SMG1: variants seen among roughly 807,000 people sequenced by gnomAD.
SMG1 encodes the protein serine/threonine-protein kinase SMG1.
SMG1 carries 22 observed loss-of-function variants against 419.9 expected under a neutral mutation model. The observed-to-expected ratio is 0.05, with a 90% CI of 0.04 to 0.07. The LOEUF (loss-of-function observed/expected upper bound fraction) is 0.07. Ranked by LOEUF, SMG1 falls within the 10% of genes least tolerant of loss-of-function variation. SMG1 has a pLI of 1.00. For synonymous variants in SMG1, 1,538 were observed against 1,553.5 expected (o/e 0.99, Z 0.23); for missense variants, 3,185 against 4,342.0 (o/e 0.73, Z 7.49).
At chr16:18,890,146 T>C (rs4550430) in intron 5 of SMG1, among the ~76,000 whole-genome samples, 74,859 of 151,864 alleles carry the variant, frequency 0.49, 18,805 homozygotes, top group Middle Eastern at 0.59. Flanking sequence ...CCTCTGGAGA[T>C]TCTAATAGCC....
intron 13 of SMG1, among the ~76,000 whole-genome samples, chr16:18,873,015 A>G (rs1446186790): frequency 6.6e-6 from 1 of 152,012 alleles, no homozygotes. Context: ...TTAGCTGGGC[A>G]TGGTGGCATA....
Position 18,832,890 on chromosome 16 carries a change from G to A in SMG1, c.8792+50C>T, listed in dbSNP as rs368459249. 2.5e-5 allele frequency: 37 copies of A among 1,497,944 alleles called. No individual in the cohort carries two copies. In the African/African-American group the frequency reaches 4.3e-4, roughly 17 times the overall value. The allele number at this position is 1,497,944 out of a possible 1,614,324, so 92.8% of individuals were successfully genotyped here. On this transcript the variant is annotated intron_variant, in intron 51 of 62. Coordinates refer to ENST00000446231, the MANE Select transcript of SMG1 (RefSeq NM_015092.5). ...TAAAGAGCTCAGAATCCCTTTCTCT[G>A]GCTGTCCCATCTCTTTTACAAGGAA...
Position 18,896,287 on chromosome 16 carries a change from T to C in SMG1, c.257-80A>G, listed in dbSNP as rs911760010. 27 of 1,305,522 alleles carry C rather than the reference T, an allele frequency of 2.1e-5. No homozygotes were observed. The African/African-American group carries it at 3.2e-4, about 15-fold the overall frequency. The allele number at this position is 1,305,522 out of a possible 1,614,324, so 80.9% of individuals were successfully genotyped here. A position where few individuals can be genotyped will look rare whatever the true frequency, so the allele number is the denominator to read the frequency against. Reference sequence around the variant, plus strand: ...AATTTCCTGATAGCTCAGGATCTTATTACTCAATCTGCAGCTCAACCAGCC... The same window carrying C: ...AATTTCCTGATAGCTCAGGATCTTACTACTCAATCTGCAGCTCAACCAGCC... On this transcript the variant is annotated intron_variant, in intron 2 of 62. Transcript: ENST00000446231.
Position 18,839,827 on chromosome 16 carries a change from A to G in SMG1, c.6816T>C (p.Arg2272=). 2 of 1,613,974 alleles carry G rather than the reference A, an allele frequency of 1.2e-6. No individual in the cohort carries two copies. Among genetic ancestry groups the G allele is most frequent in the Non-Finnish European group, 1.7e-6 (2 of 1,179,886 alleles). Residue 2272 remains arginine, a synonymous_variant, in exon 42 of 63, where the codon CGT becomes CGC. Transcript: ENST00000446231. ...KTVGLSLDVS[R]RDWPLHVMKA... Reference sequence around the variant, plus strand: ...TCATTACATGAAGAGGCCAATCCCGACGGGACACATCCAGGCTAAGCCCAA... The same window carrying G: ...TCATTACATGAAGAGGCCAATCCCGGCGGGACACATCCAGGCTAAGCCCAA...
intron 60 of SMG1, among the ~76,000 whole-genome samples, chr16:18,814,521 A>C (rs1386348378): frequency 6.6e-6 from 1 of 152,046 alleles, no homozygotes; most frequent in Non-Finnish European, 1.5e-5. Context: ...AAAAATAAAA[A>C]CAATTTTTTT....
rs200545034 is a variant in SMG1 at position 18,921,514 on chromosome 16, C to G, written c.92+4436G>C. On this transcript the variant is annotated intron_variant, in intron 1 of 62. Transcript: ENST00000446231. ...TTAGTGTACTTTGAAATCCGTGGAA[C>G]AGAACTGGAAATCACTGAATTCTAT... Among the ~76,000 whole-genome samples, 3 of 152,060 alleles carry G rather than the reference C, an allele frequency of 2.0e-5. No individual in the cohort carries two copies. In the East Asian group the frequency reaches 5.8e-4, roughly 29 times the overall value.
Position 18,912,598 on chromosome 16 carries a change from T to C in SMG1, c.92+13352A>G, listed in dbSNP as rs544005897. The stretch of plus-strand genomic sequence containing the variant: ...CACTACCATCATAGTAACTACACGA[T>C]AGGCCACTTTAAATAAAAGGTATCT... On this transcript the variant is annotated intron_variant, in intron 1 of 62. Coordinates refer to ENST00000446231, the MANE Select transcript of SMG1 (RefSeq NM_015092.5). Among the ~76,000 whole-genome samples, 113 of 152,232 alleles carry C rather than the reference T, an allele frequency of 7.4e-4. 1 individual carries two copies. Among genetic ancestry groups the C allele is most frequent in the African/African-American group, 2.7e-3 (111 of 41,582 alleles).
intron 11 of SMG1, 106 bp from the exon 12 acceptor site, chr16:18,877,338 C>T: frequency 1.3e-6 from 1 of 759,514 alleles, no homozygotes; most frequent in South Asian, 1.8e-5. Context: ...GAAAAGGCTA[C>T]ATACTATATG....
chr16:18,891,749 A>C (rs1237090791), intron 4 of SMG1, among the ~76,000 whole-genome samples: 1 of 152,142 alleles, frequency 6.6e-6, no homozygotes, highest in East Asian at 1.9e-4. Context: ...CAAGTTCTTA[A>C]TTGGTGTAAA....
intron 2 of SMG1, 129 bp from the exon 3 acceptor site, chr16:18,896,336 G>A: frequency 2.6e-6 from 2 of 782,916 alleles, no homozygotes; most frequent in South Asian, 1.5e-5. Flanking sequence ...CCTTTTTCCT[G>A]TACTGTCTGC....
intron 46 of SMG1, among the ~76,000 whole-genome samples, chr16:18,836,836 T>G (rs997249810): frequency 6.6e-6 from 1 of 152,228 alleles, no homozygotes; most frequent in African/African-American, 2.4e-5. Context: ...ACTTTCATAT[T>G]CAACTACCCT....
chr16:18,834,964 A>C lies in SMG1; in HGVS notation c.8258T>G (p.Leu2753Arg). 1 of 1,614,038 alleles carries C rather than the reference A, an allele frequency of 6.2e-7. No homozygotes were observed. Among genetic ancestry groups the C allele is most frequent in the Non-Finnish European group, 8.5e-7 (1 of 1,179,886 alleles). The change falls in exon 49 of 63, where the codon CTT becomes CGT. Residue 2753 changes from leucine (L) to arginine (R), a missense_variant. Physicochemically the swap from Leu to Arg is moderately radical, Grantham distance 102. Coordinates refer to ENST00000446231, the MANE Select transcript of SMG1 (RefSeq NM_015092.5). Reference sequence around the variant, plus strand: ...AGATCCTTCTTCTCCATTCTCATGAAGGAAAACTTTAATGCAACGTTCAAT... The same window carrying C: ...AGATCCTTCTTCTCCATTCTCATGACGGAAAACTTTAATGCAACGTTCAAT... ...KEIERCIKVF[L>R]HENGEEGSLS...
chr16:18,888,615 G>A (rs894907350), intron 6 of SMG1, among the ~76,000 whole-genome samples: 24 of 151,156 alleles, frequency 1.6e-4, no homozygotes, highest in Non-Finnish European at 2.8e-4. Flanking sequence ...CTACAGGCGC[G>A]TGCCACCATG....
intron 55 of SMG1, among the ~76,000 whole-genome samples, chr16:18,819,967 CT>C (rs896371717): frequency 2.0e-5 from 3 of 149,486 alleles, no homozygotes; most frequent in African/African-American, 7.4e-5. Context: ...ACACCAAATT[CT>C]TTTTTTTTTC....
intron 1 of SMG1, among the ~76,000 whole-genome samples, chr16:18,913,118 A>G (rs901726588): frequency 2.6e-5 from 4 of 152,142 alleles, no homozygotes; most frequent in African/African-American, 9.6e-5. Flanking sequence ...ATTTCCTCAC[A>G]TAAGTAGGTT....
chr16:18,904,229 GC>G (rs1227021359), intron 1 of SMG1, among the ~76,000 whole-genome samples: 1 of 150,966 alleles, frequency 6.6e-6, no homozygotes, highest in Non-Finnish European at 1.5e-5. Context: ...GAGCCACCGT[GC>G]CCGGCCTGTT....
In SMG1 at chr16:18,816,428, C is replaced by A. The variant is rs2032005271; in HGVS notation, c.10176G>T (p.Glu3392Asp). ...DMSTQRAIQT[E>D]KEQQIETVCE... ...AGACCGTTTCTATCTGCTGCTCTTT[C>A]TCTGTCTGAATTGCCCTCTGAGTAG... is the stretch of plus-strand genomic sequence containing the variant. Residue 3392 changes from glutamate (E) to aspartate (D), a missense_variant, in exon 58 of 63, where the codon GAG becomes GAT. Around this residue, in one of 27 missense-constraint regions of SMG1, gnomAD observed 737 missense variants for 846.6 expected, o/e 0.87. Coordinates refer to ENST00000446231, the MANE Select transcript of SMG1 (RefSeq NM_015092.5). The A allele has an allele frequency of 6.2e-7, 1 of 1,613,914 alleles. No individual in the cohort carries two copies. The highest frequency in any genetic ancestry group is 8.5e-7 in the Non-Finnish European group (1 of 1,179,860).
At chr16:18,831,895 A>G (rs529072054) in intron 51 of SMG1, among the ~76,000 whole-genome samples, 1 of 151,866 alleles carries the variant, frequency 6.6e-6, no homozygotes, top group South Asian at 2.1e-4. Context: ...TGAATGCAGG[A>G]TAATTAACAT....
rs557032459 is a variant in SMG1 at position 18,923,252 on chromosome 16, G to A, written c.92+2698C>T. ...CACCTGCAACACTTCCTGTCAGTATGTGTGAAGTATCATGTGTGGTCAAAA... is the reference window on the plus strand; with the variant it reads ...CACCTGCAACACTTCCTGTCAGTATATGTGAAGTATCATGTGTGGTCAAAA... On this transcript the variant is annotated intron_variant, in intron 1 of 62. Transcript: ENST00000446231. 2.0e-5 allele frequency among the ~76,000 whole-genome samples: 3 copies of A among 152,272 alleles called. No homozygotes were observed. In the South Asian group the frequency reaches 6.2e-4, roughly 32 times the overall value.
Sources: allele counts gnomAD v4.1 joint callset (sites outside exome capture counted in the v4.1 genomes callset), GRCh38; gene constraint gnomAD v4.1.1; regional missense constraint gnomAD v4.1.1; transcripts MANE v1.5; gene names NCBI Gene and HGNC (gene_info 2026-07-23, HGNC 2026-07-21).